Variants in EXOC6B observed in about 807,000 individuals in gnomAD.
EXOC6B encodes the protein exocyst complex component 6B, also known as SEC15 homolog B.
In EXOC6B, 54 loss-of-function variants were observed where a neutral mutation model predicts 113.5. The ratio of observed to expected loss-of-function variants is 0.48; its 90% CI spans 0.38 to 0.60. The LOEUF (loss-of-function observed/expected upper bound fraction) is 0.60, where lower values mean the gene tolerates loss of function less well. Ranked by LOEUF, EXOC6B falls within the 20% of genes least tolerant of loss-of-function variation. The probability of loss-of-function intolerance (pLI) is 0.00; values close to 1 mark genes in which losing one functional copy is unlikely to be tolerated. For synonymous variants in EXOC6B, 357 were observed against 339.0 expected (o/e 1.05, Z -0.58); for missense variants, 797 against 977.5 (o/e 0.82, Z 2.46).
At chr2:72,689,408 T>C (rs1677327425) in intron 6 of EXOC6B, among the ~76,000 whole-genome samples, 1 of 152,194 alleles carries the variant, frequency 6.6e-6, no homozygotes, top group Non-Finnish European at 1.5e-5. Flanking sequence ...TAGGAGTCTC[T>C]CTCTCTCAGT....
In EXOC6B at chr2:72,443,521, C is replaced by A. The variant is rs192572553; in HGVS notation, c.1980+21639G>T. Among the ~76,000 whole-genome samples, 78 of 152,050 alleles carry A rather than the reference C, an allele frequency of 5.1e-4. 1 individual carries two copies. The East Asian group carries it at 0.014, about 27-fold the overall frequency. ...CATATGCAGAAGACTGAAGCTGGAC[C>A]CCTTTCTTACAACATGTATTAGTTC... On this transcript the variant is annotated intron_variant, in intron 18 of 21. Transcript: ENST00000272427.
At chr2:72,781,491 T>A (rs899142711) in intron 1 of EXOC6B, among the ~76,000 whole-genome samples, 1 of 152,214 alleles carries the variant, frequency 6.6e-6, no homozygotes, top group African/African-American at 2.4e-5. Context: ...AGTAAATATT[T>A]TCAGCTTTAT....
intron 20 of EXOC6B, among the ~76,000 whole-genome samples, chr2:72,314,887 C>T (rs548123476): frequency 9.9e-5 from 15 of 152,232 alleles, no homozygotes; most frequent in African/African-American, 3.6e-4. Flanking sequence ...AAGGATTGTT[C>T]CAGGCACTAA....
At chr2:72,221,257 G>A (rs1347136922) in intron 20 of EXOC6B, among the ~76,000 whole-genome samples, 2 of 152,102 alleles carry the variant, frequency 1.3e-5, no homozygotes, top group African/African-American at 4.8e-5. Flanking sequence ...ACATTCAGTT[G>A]GTACAACGAG....
Position 72,805,114 on chromosome 2 carries a change from C to T in EXOC6B, c.113+20684G>A, listed in dbSNP as rs369389914. On this transcript the variant is annotated intron_variant, in intron 1 of 21. Transcript: ENST00000272427. ...CAAACTGCTGTAACCTAAAGCTGAT[C>T]TAAGCAATATGGGACTTGTCCTCCT... Among the ~76,000 whole-genome samples the T allele has an allele frequency of 1.4e-4, 22 of 152,274 alleles. 2 individuals carry two copies. Among genetic ancestry groups the T allele is most frequent in the African/African-American group, 4.6e-4 (19 of 41,552 alleles).
In EXOC6B at chr2:72,184,066, G is replaced by A; in HGVS notation, c.2309+9C>T. ...CCTCCCAACACAGACCATTGGACAA[G>A]GTACTCACTTCTCAAGCAGGGTCAG... On this transcript the variant is annotated intron_variant, in intron 21 of 21. Coordinates refer to ENST00000272427, the MANE Select transcript of EXOC6B (RefSeq NM_015189.3). 1.4e-6 allele frequency: 2 copies of A among 1,479,026 alleles called. No individual in the cohort carries two copies. Among genetic ancestry groups the A allele is most frequent in the Non-Finnish European group, 1.9e-6 (2 of 1,078,794 alleles). The allele number at this position is 1,479,026 out of a possible 1,614,324, so 91.6% of individuals were successfully genotyped here. A position where few individuals can be genotyped will look rare whatever the true frequency, so the allele number is the denominator to read the frequency against.
chr2:72,185,176 G>C (rs1293498997), intron 20 of EXOC6B, among the ~76,000 whole-genome samples: 1 of 152,264 alleles, frequency 6.6e-6, no homozygotes, highest in Non-Finnish European at 1.5e-5. Flanking sequence ...AACCCTCACA[G>C]TACTTTTTGA....
At chr2:72,461,948 T>C (rs1272540396) in intron 18 of EXOC6B, 3 of 152,112 alleles carry the variant, frequency 2.0e-5, no homozygotes, top group Non-Finnish European at 4.4e-5. Flanking sequence ...ATTATGTTCA[T>C]GTTATCATTT....
chr2:72,439,903 T>A (rs894520018), intron 18 of EXOC6B, among the ~76,000 whole-genome samples: 6 of 152,210 alleles, frequency 3.9e-5, no homozygotes, highest in East Asian at 3.8e-4. Flanking sequence ...TATTTTTTTT[T>A]ATACAAATTG....
At chr2:72,495,599 T>C (rs1408490775) in intron 14 of EXOC6B, 60 bp from the exon 15 acceptor site, 1 of 909,580 alleles carries the variant, frequency 1.1e-6, no homozygotes, top group Non-Finnish European at 1.7e-6. Context: ...AAGATATTTA[T>C]AAATTATTTA....
chr2:72,724,688 T>G (rs1375142243), intron 5 of EXOC6B, among the ~76,000 whole-genome samples: 5 of 151,990 alleles, frequency 3.3e-5, no homozygotes, highest in Non-Finnish European at 7.4e-5. Flanking sequence ...ATTAGAACAA[T>G]GTACATGTAT....
chr2:72,811,563 AT>A (rs1315091153), intron 1 of EXOC6B, among the ~76,000 whole-genome samples: 1 of 152,346 alleles, frequency 6.6e-6, no homozygotes, highest in East Asian at 1.9e-4. Context: ...TTCTCAATTC[AT>A]TTTAAGAAGT....
intron 18 of EXOC6B, among the ~76,000 whole-genome samples, chr2:72,422,254 A>G (rs935542644): frequency 2.0e-5 from 3 of 152,216 alleles, no homozygotes; most frequent in Non-Finnish European, 4.4e-5. Flanking sequence ...CTGCAGCCCC[A>G]GTGCGGGATC....
intron 20 of EXOC6B, among the ~76,000 whole-genome samples, chr2:72,203,576 T>C (rs1430039763): frequency 6.6e-6 from 1 of 152,204 alleles, no homozygotes; most frequent in East Asian, 1.9e-4. Flanking sequence ...TGGTCCTATA[T>C]TGGCTACAGG....
chr2:72,605,985 A>G (rs1338344971), intron 6 of EXOC6B, among the ~76,000 whole-genome samples: 2 of 152,168 alleles, frequency 1.3e-5, no homozygotes, highest in Admixed American at 1.3e-4. Context: ...AAATGACTAA[A>G]TGACTTTAGA....
In EXOC6B at chr2:72,513,043, A is replaced by G. The variant is rs935879479; in HGVS notation, c.1167+89T>C. 6 of 1,447,058 alleles carry G rather than the reference A, an allele frequency of 4.1e-6. No homozygotes were observed. The Admixed American group carries it at 6.3e-5, about 15-fold the overall frequency. 89.6% of individuals were successfully genotyped at this position (1,447,058 alleles called of 1,614,324 possible). A position where few individuals can be genotyped will look rare whatever the true frequency, so the allele number is the denominator to read the frequency against. ...TAGCTCCAAGTGAGTGATTCCAAAG[A>G]CATACATATGTTGATTTTAAAGCAG... is the stretch of plus-strand genomic sequence containing the variant. On this transcript the variant is annotated intron_variant, in intron 11 of 21. Transcript: ENST00000272427.
At chr2:72,277,477 T>A (rs1321024349) in intron 20 of EXOC6B, among the ~76,000 whole-genome samples, 1 of 151,934 alleles carries the variant, frequency 6.6e-6, no homozygotes, top group African/African-American at 2.4e-5. Flanking sequence ...TGGTAATAAT[T>A]AGAAAGTATG....
At chr2:72,476,006 GCTAT>G (rs1558707591) in intron 17 of EXOC6B, among the ~76,000 whole-genome samples, 1 of 152,194 alleles carries the variant, frequency 6.6e-6, no homozygotes, top group Non-Finnish European at 1.5e-5. Context: ...AGGATAATGC[GCTAT>G]CTGTTGGAGT....
chr2:72,428,312 G>A (rs1695324728), intron 18 of EXOC6B, among the ~76,000 whole-genome samples: 1 of 152,218 alleles, frequency 6.6e-6, no homozygotes, highest in Non-Finnish European at 1.5e-5. Flanking sequence ...AGACCTGGGA[G>A]CTCCCAGAGC....
Sources: gnomAD v4.1 joint callset for allele counts (sites outside exome capture counted in the v4.1 genomes callset) on GRCh38, gnomAD v4.1.1 for gene constraint, MANE v1.5 for transcripts, NCBI Gene and HGNC (gene_info 2026-07-23, HGNC 2026-07-21) for gene names.